The following PEX5L variants were observed in gnomAD, a reference collection of about 807,000 sequenced individuals.
The protein encoded by PEX5L is peroxisomal biogenesis factor 5 like, also known as PEX5-related protein.
Under a neutral mutation model 84.0 loss-of-function variants are expected in PEX5L, and 30 were observed. The observed-to-expected ratio is 0.36, with a 90% CI of 0.27 to 0.48. The LOEUF is 0.48. Ranked by LOEUF, PEX5L falls within the 20% of genes least tolerant of loss-of-function variation. PEX5L has a pLI of 0.99. For missense variants in PEX5L, 533 were observed against 754.6 expected (o/e 0.71, Z 3.44); for synonymous variants, 270 against 283.1 (o/e 0.95, Z 0.46).
intron 8 of PEX5L, among the ~76,000 whole-genome samples, chr3:179,856,139 G>T (rs973085596): frequency 1.5e-4 from 23 of 152,148 alleles, no homozygotes; most frequent in African/African-American, 5.1e-4. Flanking sequence ...TTTCTCTTCT[G>T]AAAAATGGAA....
intron 8 of PEX5L, among the ~76,000 whole-genome samples, chr3:179,845,896 G>A (rs1047878033): frequency 3.3e-5 from 5 of 152,292 alleles, no homozygotes; most frequent in East Asian, 1.9e-4. Context: ...TGGGCCAGGC[G>A]CGGTGGCTCA....
chr3:179,906,248 T>C (rs1213954882), intron 2 of PEX5L, among the ~76,000 whole-genome samples: 1 of 152,222 alleles, frequency 6.6e-6, no homozygotes, highest in Non-Finnish European at 1.5e-5. Context: ...TTATTTACCC[T>C]CTTTGTTTTC....
chr3:179,885,129 A>C (rs1201009805), intron 4 of PEX5L, among the ~76,000 whole-genome samples: 1 of 152,172 alleles, frequency 6.6e-6, no homozygotes, highest in Non-Finnish European at 1.5e-5. Flanking sequence ...TGCACTGAAT[A>C]ATGGAGGTGG....
chr3:179,997,159 G>A (rs1787959726), intron 1 of PEX5L, among the ~76,000 whole-genome samples: 1 of 152,106 alleles, frequency 6.6e-6, no homozygotes, highest in South Asian at 2.1e-4. Context: ...CTTCCCCAAG[G>A]AGACCTCCAG....
At chr3:180,028,520 G>A (rs554156015) in intron 1 of PEX5L, among the ~76,000 whole-genome samples, 1 of 152,228 alleles carries the variant, frequency 6.6e-6, no homozygotes, top group East Asian at 1.9e-4. Flanking sequence ...ACTGTCAGTG[G>A]TTTATTGTAA....
chr3:179,871,675 C>T (rs1750446751), intron 7 of PEX5L, among the ~76,000 whole-genome samples: 1 of 152,122 alleles, frequency 6.6e-6, no homozygotes, highest in African/African-American at 2.4e-5. Flanking sequence ...AAATCGTGTT[C>T]AAATAAGGCA....
chr3:179,816,859 A>T (rs570595321), intron 9 of PEX5L, among the ~76,000 whole-genome samples: 1 of 152,250 alleles, frequency 6.6e-6, no homozygotes, highest in East Asian at 1.9e-4. Flanking sequence ...ATAATACTAA[A>T]TAATATAAAA....
rs143206025 is a variant in PEX5L, at chr3:179,989,991, C to T, written c.22-18326G>A. Among the ~76,000 whole-genome samples, 336 of 152,312 alleles carry T rather than the reference C, an allele frequency of 2.2e-3. 3 individuals are homozygous for T. Among genetic ancestry groups the T allele is most frequent in the African/African-American group, 7.8e-3 (325 of 41,576 alleles). ...ATGGAGGGCACTTATTAAATTATAG[C>T]ATTAAATGTTGCATAGTTGAGCTGA... On this transcript the variant is annotated intron_variant, in intron 1 of 14. Transcript: ENST00000467460.
intron 2 of PEX5L, among the ~76,000 whole-genome samples, chr3:179,903,324 G>A (rs1030125988): frequency 6.6e-6 from 1 of 151,948 alleles, no homozygotes; most frequent in South Asian, 2.1e-4. Flanking sequence ...CGGCTCATGT[G>A]GATCCTCCCA....
chr3:179,822,293 G>C (rs1264950200), intron 8 of PEX5L, among the ~76,000 whole-genome samples: 4 of 152,188 alleles, frequency 2.6e-5, no homozygotes, highest in Non-Finnish European at 5.9e-5. Flanking sequence ...AGAAGGATTT[G>C]ATAATGTGTA....
chr3:179,940,958 C>A (rs77569701), intron 2 of PEX5L, among the ~76,000 whole-genome samples: 2,670 of 152,222 alleles, frequency 0.018, 75 homozygotes, highest in African/African-American at 0.062. Flanking sequence ...TTAATGAGTG[C>A]TTAACATGTG....
At chr3:179,858,997 T>G in intron 8 of PEX5L, 65 bp downstream of exon 8, 1 of 990,014 alleles carries the variant, frequency 1.0e-6, no homozygotes, top group East Asian at 2.4e-5. Context: ...CTTGCTGAAG[T>G]TTGATTTTTC....
chr3:179,941,420 T>A (rs904982045), intron 2 of PEX5L, among the ~76,000 whole-genome samples: 1 of 152,216 alleles, frequency 6.6e-6, no homozygotes, highest in Non-Finnish European at 1.5e-5. Context: ...GTGTCTGCAT[T>A]ATTTCATTCA....
intron 1 of PEX5L, among the ~76,000 whole-genome samples, chr3:179,994,912 G>A (rs189911583): frequency 1.9e-4 from 29 of 151,942 alleles, no homozygotes; most frequent in Admixed American, 5.9e-4. Context: ...TTTGGGACTC[G>A]GACTGGCTCT....
At chr3:179,957,982 T>A (rs1781010539) in intron 2 of PEX5L, among the ~76,000 whole-genome samples, 3 of 152,146 alleles carry the variant, frequency 2.0e-5, no homozygotes, top group African/African-American at 7.2e-5. Flanking sequence ...TATGGCTATG[T>A]AGCCACACAT....
chr3:180,006,974 T>C (rs1217379251), intron 1 of PEX5L, among the ~76,000 whole-genome samples: 1 of 152,084 alleles, frequency 6.6e-6, no homozygotes, highest in Non-Finnish European at 1.5e-5. Flanking sequence ...TCAAAATCAA[T>C]CAGATCAAAT....
intron 2 of PEX5L, among the ~76,000 whole-genome samples, chr3:179,935,833 C>G (rs1774428252): frequency 6.6e-6 from 1 of 152,178 alleles, no homozygotes; most frequent in Non-Finnish European, 1.5e-5. Context: ...TGAATTCTCA[C>G]ACATGGGACT....
intron 7 of PEX5L, among the ~76,000 whole-genome samples, chr3:179,860,089 C>G (rs1239975291): frequency 1.3e-5 from 2 of 151,894 alleles, no homozygotes; most frequent in South Asian, 4.2e-4. Flanking sequence ...TGTTTTCACT[C>G]AACAATTTAC....
intron 14 of PEX5L, among the ~76,000 whole-genome samples, chr3:179,807,127 GAGAA>G (rs1423200119): frequency 6.6e-6 from 1 of 152,184 alleles, no homozygotes; most frequent in Non-Finnish European, 1.5e-5. Flanking sequence ...GGACGAGAAT[GAGAA>G]AGGCATTTTA....
Sources: gnomAD v4.1 joint callset for allele counts (sites outside exome capture counted in the v4.1 genomes callset) on GRCh38, gnomAD v4.1.1 for gene constraint, MANE v1.5 for transcripts, NCBI Gene and HGNC (gene_info 2026-07-23, HGNC 2026-07-21) for gene names.